The following NR6A1 variants were observed in gnomAD, a reference collection of about 807,000 sequenced individuals.
NR6A1 encodes the protein retinoic acid receptor-related testis-associated receptor.
A neutral mutation model predicts 59.1 loss-of-function variants in NR6A1; 7 were observed. The observed-to-expected ratio is 0.12, with a 90% confidence interval of 0.07 to 0.22. The LOEUF is 0.22. NR6A1 is among the 10% of genes least tolerant of loss of function. The probability of loss-of-function intolerance (pLI) is 1.00; values close to 1 mark genes in which losing one functional copy is unlikely to be tolerated. For synonymous variants in NR6A1, 243 were observed against 236.1 expected (o/e 1.03, Z -0.27); for missense variants, 468 against 611.6 (o/e 0.77, Z 2.48).
chr9:124,759,942 AG>A (rs1242964964), intron 1 of NR6A1, among the ~76,000 whole-genome samples: 1 of 151,568 alleles, frequency 6.6e-6, no homozygotes, highest in African/African-American at 2.4e-5. Context: ...CAGGAGGCTG[AG>A]GCAGAAAAAT....
At chr9:124,706,178 G>A (rs549959716) in intron 2 of NR6A1, among the ~76,000 whole-genome samples, 2 of 152,166 alleles carry the variant, frequency 1.3e-5, no homozygotes, top group Middle Eastern at 6.8e-3. Context: ...TTAGTTCCAG[G>A]AAATACAGAA....
In NR6A1 at chr9:124,519,104, T is replaced by C. The variant is rs1454160145; in HGVS notation, c.*3601A>G. ...AATGCACCTAGCTCAGAGCCCAGGA[T>C]TTTAAGGATCTGGTAACAGTGACCA... is the stretch of plus-strand genomic sequence containing the variant. On this transcript the variant is annotated 3_prime_UTR_variant, in exon 10 of 10. Coordinates refer to ENST00000487099, the MANE Select transcript of NR6A1 (RefSeq NM_033334.4). 3 of 152,162 alleles carry C rather than the reference T, an allele frequency of 2.0e-5. No homozygotes were observed. Among genetic ancestry groups the C allele is most frequent in the African/African-American group, 7.2e-5 (3 of 41,418 alleles). 9.4% of individuals were successfully genotyped at this position (152,162 alleles called of 1,614,324 possible). A position where few individuals can be genotyped will look rare whatever the true frequency, so the allele number is the denominator to read the frequency against.
intron 1 of NR6A1, among the ~76,000 whole-genome samples, chr9:124,754,053 T>C (rs1192295232): frequency 6.6e-6 from 1 of 152,204 alleles, no homozygotes; most frequent in Non-Finnish European, 1.5e-5. Context: ...TCAACAACTC[T>C]GTAATGGAAA....
intron 2 of NR6A1, among the ~76,000 whole-genome samples, chr9:124,723,666 A>G (rs1839629133): frequency 6.6e-6 from 1 of 152,268 alleles, no homozygotes; most frequent in Admixed American, 6.5e-5. Context: ...ATTATACTAC[A>G]TAGCCTAGAA....
At chr9:124,530,293 T>C (rs1021127269) in intron 7 of NR6A1, among the ~76,000 whole-genome samples, 1 of 152,074 alleles carries the variant, frequency 6.6e-6, no homozygotes, top group Non-Finnish European at 1.5e-5. Context: ...GCAGCCAGCC[T>C]AGCAGCCCCC....
At chr9:124,607,067 T>C (rs561960616) in intron 2 of NR6A1, 5 of 152,340 alleles carry the variant, frequency 3.3e-5, no homozygotes, top group African/African-American at 1.2e-4. Flanking sequence ...TAAAACTTGA[T>C]GCTGCTCCTG....
chr9:124,646,689 T>A (rs891681350), intron 2 of NR6A1, among the ~76,000 whole-genome samples: 1 of 151,928 alleles, frequency 6.6e-6, no homozygotes, highest in East Asian at 1.9e-4. Flanking sequence ...ATGCAAAAAA[T>A]TTCATGTTTT....
chr9:124,713,743 T>C (rs956275235), intron 2 of NR6A1, among the ~76,000 whole-genome samples: 3 of 152,122 alleles, frequency 2.0e-5, no homozygotes, highest in Non-Finnish European at 2.9e-5. Flanking sequence ...AGTAAATAAG[T>C]GTTGGTGAGG....
chr9:124,726,493 T>G (rs1839721545), intron 2 of NR6A1, among the ~76,000 whole-genome samples: 1 of 152,242 alleles, frequency 6.6e-6, no homozygotes, highest in South Asian at 2.1e-4. Flanking sequence ...GTTCCATGAT[T>G]GCTTCTTAGT....
rs1004056555 is a variant in NR6A1 at position 124,518,176 on chromosome 9, C to G, written c.*4529G>C. Reference sequence around the variant, plus strand: ...AGCCTACAGTTGATTCCTGTGCAGGCTGTGGTCCATTTAGGGCTTCAGGCC... The same window carrying G: ...AGCCTACAGTTGATTCCTGTGCAGGGTGTGGTCCATTTAGGGCTTCAGGCC... On this transcript the variant is annotated 3_prime_UTR_variant, in exon 10 of 10. Transcript: ENST00000487099. The G allele has an allele frequency of 6.7e-6, 1 of 148,528 alleles. No individual in the cohort carries two copies. The highest frequency in any genetic ancestry group is 1.5e-5 in the Non-Finnish European group (1 of 67,438). 9.2% of individuals were successfully genotyped at this position (148,528 alleles called of 1,614,324 possible). A position where few individuals can be genotyped will look rare whatever the true frequency, so the allele number is the denominator to read the frequency against.
intron 2 of NR6A1, among the ~76,000 whole-genome samples, chr9:124,565,161 G>A (rs1834201638): frequency 1.3e-5 from 2 of 152,080 alleles, no homozygotes; most frequent in African/African-American, 4.8e-5. Context: ...AGGTGTGGAG[G>A]CTCACACCTG....
At position 124,695,902 on chromosome 9, in the gene NR6A1, A is replaced by G. The variant is rs936912213; in HGVS notation, c.142+37406T>C. Among the ~76,000 whole-genome samples, 8 of 152,244 alleles carry G rather than the reference A, an allele frequency of 5.3e-5. No homozygotes were observed. The South Asian group carries it at 1.7e-3, about 31-fold the overall frequency. The stretch of plus-strand genomic sequence containing the variant: ...TATTACATAGTCTTTAAATATGCCA[A>G]TGAAACAATTATATATTTCATTAAA... On this transcript the variant is annotated intron_variant, in intron 2 of 9. Transcript: ENST00000487099.
chr9:124,680,976 A>C (rs530114913), intron 2 of NR6A1, among the ~76,000 whole-genome samples: 1 of 152,378 alleles, frequency 6.6e-6, no homozygotes, highest in Non-Finnish European at 1.5e-5. Context: ...CACACACTAC[A>C]GAAAAAAGGA....
chr9:124,658,626 G>C (rs191459574), intron 2 of NR6A1: 2 of 152,174 alleles, frequency 1.3e-5, no homozygotes, highest in East Asian at 3.9e-4. Context: ...ACAGCAGCTC[G>C]AACTTTTTTG....
At chr9:124,637,425 C>G (rs1249764392) in intron 2 of NR6A1, among the ~76,000 whole-genome samples, 1 of 152,146 alleles carries the variant, frequency 6.6e-6, no homozygotes, top group Non-Finnish European at 1.5e-5. Flanking sequence ...TATTAAATAT[C>G]TATTACATAC....
intron 2 of NR6A1, among the ~76,000 whole-genome samples, chr9:124,586,699 T>A (rs1205043970): frequency 3.3e-5 from 5 of 152,136 alleles, no homozygotes; most frequent in African/African-American, 1.2e-4. Context: ...TCCTCCTTCA[T>A]TGGCCTCCCA....
At chr9:124,591,499 C>A (rs1399802111) in intron 2 of NR6A1, among the ~76,000 whole-genome samples, 1 of 152,190 alleles carries the variant, frequency 6.6e-6, no homozygotes. Flanking sequence ...CGAGTCCTTG[C>A]CACACAGACC....
chr9:124,714,838 A>G (rs1839368811), intron 2 of NR6A1, among the ~76,000 whole-genome samples: 1 of 152,190 alleles, frequency 6.6e-6, no homozygotes, highest in African/African-American at 2.4e-5. Flanking sequence ...AAACTTTTTA[A>G]AACACTAACA....
chr9:124,594,436 A>C (rs1835214570), intron 2 of NR6A1, among the ~76,000 whole-genome samples: 2 of 152,224 alleles, frequency 1.3e-5, no homozygotes, highest in Non-Finnish European at 2.9e-5. Context: ...CTCCAGAGTC[A>C]TCCCTTCTAA....
Sources: allele counts gnomAD v4.1 joint callset (sites outside exome capture counted in the v4.1 genomes callset), GRCh38; gene constraint gnomAD v4.1.1; transcripts MANE v1.5; gene names NCBI Gene and HGNC (gene_info 2026-07-23, HGNC 2026-07-21).